ZSCAN31: variants seen among roughly 807,000 people sequenced by gnomAD.
ZSCAN31 encodes zinc finger and SCAN domain containing 31, also known as zinc finger and SCAN domain-containing protein 31.
In ZSCAN31, 14 loss-of-function variants were observed where a neutral mutation model predicts 22.5. The ratio of observed to expected loss-of-function variants is 0.62; its 90% CI spans 0.41 to 0.97. ZSCAN31 has a LOEUF of 0.97. ZSCAN31 is among the 50% of genes least tolerant of loss of function. ZSCAN31 has a pLI of 0.00. For synonymous variants in ZSCAN31, 168 were observed against 169.8 expected (o/e 0.99, Z 0.08); for missense variants, 424 against 483.4 (o/e 0.88, Z 1.15).
chr6:28,333,955 T>C lies in ZSCAN31; in HGVS notation c.-96+2127A>G. 6.7e-6 allele frequency among the ~76,000 whole-genome samples: 1 copy of C among 150,210 alleles called. No homozygotes were observed. Among genetic ancestry groups the C allele is most frequent in the East Asian group, 2.0e-4 (1 of 5,098 alleles). ...CAAAAGTGGAAGCAGAAAGCAAGAG[T>C]AGAAGCAGAAGAGGCAAGAGTTAAA... is the stretch of plus-strand genomic sequence containing the variant. On this transcript the variant is annotated intron_variant, in intron 1 of 3. Transcript: ENST00000344279. This position sits in a 1 kb window ranked among gnomAD's most constrained non-coding sequence, Gnocchi z 4.1.
intron 2 of ZSCAN31, among the ~76,000 whole-genome samples, chr6:28,343,538 CTTTCTTT>C (rs1764506953): frequency 7.7e-6 from 1 of 130,286 alleles, no homozygotes; most frequent in Non-Finnish European, 1.6e-5. Flanking sequence ...TTTTTTTTTT[CTTTCTTT>C]TTTTTTTTTT....
chr6:28,333,347 C>T lies in ZSCAN31; in HGVS notation c.-96+2735G>A, dbSNP rs1310785067. Among the ~76,000 whole-genome samples, 2 of 152,146 alleles carry T rather than the reference C, an allele frequency of 1.3e-5. No homozygotes were observed. The highest frequency in any genetic ancestry group is 2.1e-4 in the South Asian group (1 of 4,818). On this transcript the variant is annotated intron_variant, in intron 1 of 3. Coordinates refer to ENST00000344279, the MANE Select transcript of ZSCAN31 (RefSeq NM_030899.5). The surrounding 1 kb of genome is among the most constrained non-coding windows in gnomAD (Gnocchi z 4.1). ...ATGTTCATTGAGCACTCATAACATACCAGGTACTTGGCTGGGCATTAGGGC... is the reference window on the plus strand; with the variant it reads ...ATGTTCATTGAGCACTCATAACATATCAGGTACTTGGCTGGGCATTAGGGC...
chr6:28,341,565 G>A (rs1764414578), intron 3 of ZSCAN31, among the ~76,000 whole-genome samples: 1 of 152,152 alleles, frequency 6.6e-6, no homozygotes, highest in African/African-American at 2.4e-5. Flanking sequence ...AGAATTTTGG[G>A]GGAACACAAA....
At chr6:28,344,571 CAAAG>C (rs1423939451) in intron 2 of ZSCAN31, among the ~76,000 whole-genome samples, 3 of 152,062 alleles carry the variant, frequency 2.0e-5, no homozygotes, top group African/African-American at 7.2e-5. Context: ...GACTAATTGA[CAAAG>C]GAGGAAAAAT....
upstream of ZSCAN31, among the ~76,000 whole-genome samples, chr6:28,338,665 C>G (rs1376379335): frequency 6.6e-6 from 1 of 152,074 alleles, no homozygotes; most frequent in Non-Finnish European, 1.5e-5. Flanking sequence ...ATATCACAAA[C>G]AAAAATCAGA....
At position 28,326,687 on chromosome 6, in the gene ZSCAN31, T is replaced by C. The variant is rs1406694457; in HGVS notation, c.700A>G (p.Thr234Ala). ...TTGCACCTGTGGCGTCTCTCTCCAGTGGAATGTGCCTGCTGCTTTTCTGCC... is the reference window on the plus strand; with the variant it reads ...TTGCACCTGTGGCGTCTCTCTCCAGCGGAATGTGCCTGCTGCTTTTCTGCC... ...SKAEKQQAHS[T>A]GERRHRCNEC... Residue 234 changes from threonine (T) to alanine (A), a missense_variant, in exon 4 of 4, where the codon ACT (threonine) becomes GCT (alanine). By Grantham distance (58) the Thr-to-Ala change is moderately conservative. Coordinates refer to ENST00000344279, the MANE Select transcript of ZSCAN31 (RefSeq NM_030899.5). The C allele has an allele frequency of 6.2e-7, 1 of 1,614,198 alleles. No individual in the cohort carries two copies. Among genetic ancestry groups the C allele is most frequent in the East Asian group, 2.2e-5 (1 of 44,874 alleles).
chr6:28,331,580 G>A lies in ZSCAN31; in HGVS notation c.-95-1802C>T, dbSNP rs1763745136. On this transcript the variant is annotated intron_variant, in intron 1 of 3. Coordinates refer to ENST00000344279, the MANE Select transcript of ZSCAN31 (RefSeq NM_030899.5). This position sits in a 1 kb window ranked among gnomAD's most constrained non-coding sequence, Gnocchi z 4.8. Reference sequence around the variant, plus strand: ...ATCATGGCATTTATTCTTTGTCAATGTCTAATGCCAAATGTATATCTTTTT... The same window carrying A: ...ATCATGGCATTTATTCTTTGTCAATATCTAATGCCAAATGTATATCTTTTT... Among the ~76,000 whole-genome samples, 1 of 151,950 alleles carries A rather than the reference G, an allele frequency of 6.6e-6. No homozygotes were observed.
intron 2 of ZSCAN31, among the ~76,000 whole-genome samples, chr6:28,344,496 A>G (rs1231620552): frequency 1.3e-5 from 2 of 152,218 alleles, no homozygotes; most frequent in Admixed American, 1.3e-4. Flanking sequence ...ACTAGCACCT[A>G]TCTTTGAGCT....
Position 28,347,427 on chromosome 6 carries a change from C to T in ZSCAN31, c.-370-5635G>A, listed in dbSNP as rs1050771907. On this transcript the variant is annotated intron_variant, in intron 2 of 7. Transcript: ENST00000396838. The surrounding 1 kb of genome is among the most constrained non-coding windows in gnomAD (Gnocchi z 5.2). ...ACCATCTTATTTGTATTGCAGTTAGCCCCCTCTCATGCCAGGACTTCTGAT... is the reference window on the plus strand; with the variant it reads ...ACCATCTTATTTGTATTGCAGTTAGTCCCCTCTCATGCCAGGACTTCTGAT... Among the ~76,000 whole-genome samples the T allele has an allele frequency of 2.0e-5, 3 of 152,088 alleles. No individual in the cohort carries two copies. The highest frequency in any genetic ancestry group is 4.4e-5 in the Non-Finnish European group (3 of 68,002).
At chr6:28,345,048 G>A (rs1764585847) in intron 2 of ZSCAN31, among the ~76,000 whole-genome samples, 1 of 150,818 alleles carries the variant, frequency 6.6e-6, no homozygotes, top group African/African-American at 2.4e-5. Flanking sequence ...AGGGGGCTGA[G>A]GCAAAAGAAT....
intron 2 of ZSCAN31, among the ~76,000 whole-genome samples, chr6:28,343,392 T>C (rs1179625275): frequency 6.6e-6 from 1 of 151,952 alleles, no homozygotes; most frequent in East Asian, 1.9e-4. Flanking sequence ...GTAGACATGA[T>C]CATCCCCCAC....
intron 1 of ZSCAN31, among the ~76,000 whole-genome samples, chr6:28,330,131 G>T (rs1275977838): frequency 6.6e-6 from 1 of 152,140 alleles, no homozygotes; most frequent in Non-Finnish European, 1.5e-5. Flanking sequence ...CTCTGAAACT[G>T]CCAGAAGAAG....
upstream of ZSCAN31, chr6:28,336,747 C>T (rs1764195350): frequency 1.3e-5 from 2 of 152,216 alleles, no homozygotes; most frequent in South Asian, 4.1e-4. Flanking sequence ...ATTGTTAGTC[C>T]TCACAGAAGG....
At chr6:28,340,412 A>T (rs957463687), upstream of ZSCAN31, among the ~76,000 whole-genome samples, 1 of 152,208 alleles carries the variant, frequency 6.6e-6, no homozygotes, top group South Asian at 2.1e-4. Context: ...TCTCCTTGCT[A>T]TTCTCATGAT....
At position 28,347,262 on chromosome 6, in the gene ZSCAN31, C is replaced by T. The variant is rs926162807; in HGVS notation, c.-370-5470G>A. Among the ~76,000 whole-genome samples, 4 of 152,210 alleles carry T rather than the reference C, an allele frequency of 2.6e-5. No homozygotes were observed. Among genetic ancestry groups the T allele is most frequent in the Admixed American group, 6.5e-5 (1 of 15,280 alleles). ...TAAAAATCCCAGAGTAACCTTATCT[C>T]TGATACCCTCTCTTGTTCACTCCAC... On this transcript the variant is annotated intron_variant, in intron 2 of 7. Transcript: ENST00000396838. This position sits in a 1 kb window ranked among gnomAD's most constrained non-coding sequence, Gnocchi z 5.2.
chr6:28,329,687 TGGG>T lies in ZSCAN31; in HGVS notation c.-7_-5del, dbSNP rs778292005. ...ACTGTTCCTCTGTTGAAGCCATTCC[TGGG>T]GTTAATTTGGAAGGCTTACTCTGGC... On this transcript the variant is annotated 5_prime_UTR_variant, in exon 2 of 4. Transcript: ENST00000344279. 1 of 1,603,198 alleles carries T rather than the reference TGGG, an allele frequency of 6.2e-7. No homozygotes were observed. The highest frequency in any genetic ancestry group is 1.1e-5 in the South Asian group (1 of 90,542).
upstream of ZSCAN31, chr6:28,355,462 A>G (rs533418123): frequency 9.8e-5 from 15 of 152,308 alleles, no homozygotes; most frequent in East Asian, 2.9e-3. Flanking sequence ...CAAAGTTGGG[A>G]CCAAAAGTCT....
At chr6:28,332,528 T>C (rs1382960699) in intron 1 of ZSCAN31, 1 of 152,194 alleles carries the variant, frequency 6.6e-6, no homozygotes, top group Non-Finnish European at 1.5e-5. Context: ...GTTATGATTA[T>C]ACAAGGTAAC....
At chr6:28,328,402 G>A (rs958402006) in intron 2 of ZSCAN31, among the ~76,000 whole-genome samples, 7 of 152,210 alleles carry the variant, frequency 4.6e-5, no homozygotes, top group Admixed American at 1.3e-4. Flanking sequence ...ACCCCCAGGC[G>A]CACATTCTCT....
Sources: allele counts gnomAD v4.1 joint callset (sites outside exome capture counted in the v4.1 genomes callset), GRCh38; gene constraint gnomAD v4.1.1; non-coding constraint Gnocchi (gnomAD v3.1); transcripts MANE v1.5; gene names NCBI Gene and HGNC (gene_info 2026-07-23, HGNC 2026-07-21).